Variants in HSD17B12 observed in about 807,000 individuals in gnomAD.
HSD17B12 encodes the protein very-long-chain 3-oxoacyl-CoA reductase.
In HSD17B12, 32 loss-of-function variants were observed where a neutral mutation model predicts 39.3. That is an observed-to-expected ratio of 0.81 (90% CI 0.61 to 1.09). The LOEUF is 1.09. Among genes scored for constraint, HSD17B12 ranks in the 50% least tolerant of loss-of-function variants. HSD17B12 has a pLI of 0.00. For missense variants in HSD17B12, 342 were observed against 382.9 expected (o/e 0.89, Z 0.89); for synonymous variants, 150 against 146.7 (o/e 1.02, Z -0.16).
chr11:43,588,638 A>ATTATTATTATTATTATG, the HSD17B12 span, among the ~76,000 whole-genome samples: 5 of 62,840 alleles, frequency 8.0e-5, no homozygotes, highest in East Asian at 4.7e-3. Context: ...TTATTATTAT[A>ATTATTATTATTATTATG]GTGTTCTCTT....
chr11:43,762,401 A>T (rs1950562422), intron 3 of HSD17B12, among the ~76,000 whole-genome samples: 1 of 152,226 alleles, frequency 6.6e-6, no homozygotes, highest in Non-Finnish European at 1.5e-5. Flanking sequence ...ACTTACACTG[A>T]GAATGAGTTG....
chr11:43,682,899 C>T (rs1393684503), intron 1 of HSD17B12, among the ~76,000 whole-genome samples: 1 of 151,716 alleles, frequency 6.6e-6, no homozygotes, highest in Non-Finnish European at 1.5e-5. Context: ...TCAAGTGATC[C>T]TCCCATGTGA....
the HSD17B12 span, among the ~76,000 whole-genome samples, chr11:43,589,864 G>C: frequency 1.3e-5 from 2 of 152,170 alleles, no homozygotes; most frequent in Admixed American, 1.3e-4. Context: ...CAAGTTATCA[G>C]CTGCACGCCC....
chr11:43,766,104 C>A (rs966076569), intron 3 of HSD17B12, among the ~76,000 whole-genome samples: 1 of 152,242 alleles, frequency 6.6e-6, no homozygotes, highest in Non-Finnish European at 1.5e-5. Context: ...GGATTACAGG[C>A]GTGAGCCACC....
chr11:43,841,531 T>C (rs957934106), intron 9 of HSD17B12, among the ~76,000 whole-genome samples: 8 of 152,240 alleles, frequency 5.3e-5, no homozygotes, highest in Admixed American at 5.2e-4. Flanking sequence ...AGCTCTTTGA[T>C]CCATTTTGAG....
chr11:43,739,057 A>G (rs4755735), intron 1 of HSD17B12, among the ~76,000 whole-genome samples: 56,855 of 152,144 alleles, frequency 0.37, 11,139 homozygotes, highest in East Asian at 0.68. Flanking sequence ...TGCAGCAAAC[A>G]TAGATAAAAC....
chr11:43,734,020 A>C, intron 1 of HSD17B12: 1 of 741,788 alleles, frequency 1.3e-6, no homozygotes, highest in Non-Finnish European at 2.5e-6. Context: ...TAGATTGTCA[A>C]TATCACACGG....
chr11:43,715,173 T>C (rs1950109413), intron 1 of HSD17B12, among the ~76,000 whole-genome samples: 1 of 151,738 alleles, frequency 6.6e-6, no homozygotes, highest in African/African-American at 2.4e-5. Context: ...TGAATAGGAG[T>C]GGTGAGAGAG....
the HSD17B12 span, among the ~76,000 whole-genome samples, chr11:43,642,190 C>T: frequency 1.3e-5 from 2 of 151,614 alleles, no homozygotes; most frequent in Non-Finnish European, 3.0e-5. Flanking sequence ...AGGGAAATTA[C>T]TAAATTTTTT....
chr11:43,810,370 TATATATATATATATATA>T (rs1590319263), intron 4 of HSD17B12, among the ~76,000 whole-genome samples: 1 of 104,872 alleles, frequency 9.5e-6, no homozygotes, highest in Non-Finnish European at 1.9e-5. Context: ...TTAGAAATTA[TATATATATATATATATA>T]TATATATATA....
At chr11:43,657,700 TCTTTC>T in the HSD17B12 span, among the ~76,000 whole-genome samples, 2 of 152,224 alleles carry the variant, frequency 1.3e-5, no homozygotes, top group African/African-American at 2.4e-5. Context: ...GGTTGAAAAT[TCTTTC>T]CTTTAAGAAT....
At chr11:43,755,375 A>G (rs558958409) in intron 3 of HSD17B12, 1 of 152,824 alleles carries the variant, frequency 6.5e-6, no homozygotes, top group East Asian at 1.9e-4. Context: ...AATTGTAATC[A>G]TAAATGATAG....
At position 43,730,472 on chromosome 11, in the gene HSD17B12, A is replaced by T. The variant is rs556153118; in HGVS notation, c.161-20439A>T. Among the ~76,000 whole-genome samples, 3 of 152,326 alleles carry T rather than the reference A, an allele frequency of 2.0e-5. No individual in the cohort carries two copies. In the South Asian group the frequency reaches 6.2e-4, roughly 32 times the overall value. ...ATCCAGCAGGATGTTGTATAACAAG[A>T]AGGAATTGTGTTGAGCTTCCATGGT... On this transcript the variant is annotated intron_variant, in intron 1 of 10. Transcript: ENST00000278353.
At chr11:43,559,778 A>T in the HSD17B12 span, 1 of 155,956 alleles carries the variant, frequency 6.4e-6, no homozygotes, top group Non-Finnish European at 1.5e-5. Context: ...CATTACAGCA[A>T]GCAGGTGTCT....
intron 3 of HSD17B12, among the ~76,000 whole-genome samples, chr11:43,791,151 C>G (rs561487938): frequency 6.6e-6 from 1 of 152,344 alleles, no homozygotes; most frequent in South Asian, 2.1e-4. Flanking sequence ...TGCAGGTCTT[C>G]TAACTGCATC....
intron 9 of HSD17B12, among the ~76,000 whole-genome samples, chr11:43,840,880 A>G (rs1951419247): frequency 6.6e-6 from 1 of 152,116 alleles, no homozygotes; most frequent in South Asian, 2.1e-4. Context: ...ATTCTTTTGT[A>G]TATGTATACA....
chr11:43,564,028 G>A, the HSD17B12 span, among the ~76,000 whole-genome samples: 3 of 151,994 alleles, frequency 2.0e-5, no homozygotes, highest in Non-Finnish European at 4.4e-5. Flanking sequence ...ACCATGCCTG[G>A]CTATTTTTAT....
intron 1 of HSD17B12, among the ~76,000 whole-genome samples, chr11:43,682,877 G>A (rs1318701120): frequency 1.3e-5 from 2 of 151,450 alleles, no homozygotes; most frequent in Non-Finnish European, 2.9e-5. Context: ...CTGCAGCCTC[G>A]AACTCTTGGG....
At chr11:43,645,321 G>T in the HSD17B12 span, 1 of 152,118 alleles carries the variant, frequency 6.6e-6, no homozygotes, top group Non-Finnish European at 1.5e-5. Context: ...TATTTCCATG[G>T]TATTGTCTGT....
Sources: gnomAD v4.1 joint callset for allele counts (sites outside exome capture counted in the v4.1 genomes callset) on GRCh38, gnomAD v4.1.1 for gene constraint, MANE v1.5 for transcripts, NCBI Gene and HGNC (gene_info 2026-07-23, HGNC 2026-07-21) for gene names.